The following NEB variants were observed in gnomAD, a reference collection of about 807,000 sequenced individuals.
NEB encodes the protein nemaline myopathy type 2.
Under a neutral mutation model 952.2 loss-of-function variants are expected in NEB, and 512 were observed. The observed-to-expected ratio is 0.54, with a 90% CI of 0.50 to 0.58. The LOEUF (loss-of-function observed/expected upper bound fraction) is 0.58, where lower values mean the gene tolerates loss of function less well. Among genes scored for constraint, NEB ranks in the 20% least tolerant of loss-of-function variants. The pLI is 0.00. For synonymous variants in NEB, 2,900 were observed against 3,149.8 expected (o/e 0.92, Z 2.66); for missense variants, 8,428 against 9,231.1 (o/e 0.91, Z 3.56).
chr2:151,487,760 T>TA (rs1553514345), intron 181 of NEB, among the ~76,000 whole-genome samples: 1 of 151,634 alleles, frequency 6.6e-6, no homozygotes, highest in East Asian at 2.0e-4. Flanking sequence ...ATTTTATACA[T>TA]ACACACATAT....
intron 117 of NEB, 85 bp from the exon 118 acceptor site, chr2:151,564,015 A>C: frequency 1.0e-6 from 1 of 980,240 alleles, no homozygotes; most frequent in Non-Finnish European, 1.5e-6. Context: ...ATTAAGGTGA[A>C]ACATGTATGT....
rs974199168 is a variant in NEB at position 151,552,720 on chromosome 2, A to G, written c.19788T>C (p.Asp6596=). The G allele has an allele frequency of 8.7e-6, 14 of 1,613,304 alleles. No individual in the cohort carries two copies. The African/African-American group carries it at 1.9e-4, about 22-fold the overall frequency. The part of the protein sequence containing the change: ...KTRNDYKLVT[D]TPVYVQAVKS... ...TGACAGCCTGCACGTAGACTGGTGT[A>G]TCTGTGACAAGCTTGTAGTCATTCC... is the stretch of plus-strand genomic sequence containing the variant. Residue 6596 remains aspartate (D), a synonymous_variant, in exon 128 of 182, where the codon GAT becomes GAC. Coordinates refer to ENST00000397345, the MANE Select transcript of NEB (RefSeq NM_001164508.2).
At chr2:151,634,368 G>A (rs2098718167) in intron 64 of NEB, among the ~76,000 whole-genome samples, 1 of 152,160 alleles carries the variant, frequency 6.6e-6, no homozygotes, top group Non-Finnish European at 1.5e-5. Flanking sequence ...ATGAGGCTGG[G>A]CACGGTGGCT....
In NEB at chr2:151,663,446, C is replaced by T. The variant is rs186475936; in HGVS notation, c.5763+102G>A. On this transcript the variant is annotated intron_variant, in intron 45 of 181. Coordinates refer to ENST00000397345, the MANE Select transcript of NEB (RefSeq NM_001164508.2). ...AATGAAACACTATGTTGGGAAATTG[C>T]AGATGAATTTCTTTCAGGATTTTCA... 8.7e-6 allele frequency: 10 copies of T among 1,146,818 alleles called. No homozygotes were observed. The East Asian group carries it at 2.5e-4, about 28-fold the overall frequency. 71.0% of individuals were successfully genotyped at this position (1,146,818 alleles called of 1,614,324 possible). A position where few individuals can be genotyped will look rare whatever the true frequency, so the allele number is the denominator to read the frequency against.
At position 151,620,347 on chromosome 2, in the gene NEB, GTATATATATATATATATATATATATATA is replaced by G. The variant is rs71000481; in HGVS notation, c.10560+544_10560+571del. 2.3e-4 allele frequency among the ~76,000 whole-genome samples: 11 copies of G among 48,466 alleles called. No homozygotes were observed. In the East Asian group the frequency reaches 2.5e-3, roughly 11 times the overall value. 31.8% of individuals were successfully genotyped at this position (48,466 alleles called of 152,430 possible). A position where few individuals can be genotyped will look rare whatever the true frequency, so the allele number is the denominator to read the frequency against. On this transcript the variant is annotated intron_variant, in intron 72 of 181. Transcript: ENST00000397345. ...TTATTATATATATATGTATGTGTGT[GTATATATATATATATATATATATATATA>G]TATATATATATATATATTTAACCAG...
intron 120 of NEB, 63 bp downstream of exon 120, chr2:151,562,548 G>T: frequency 7.0e-7 from 1 of 1,422,598 alleles, no homozygotes; most frequent in Non-Finnish European, 9.4e-7. Flanking sequence ...CCAGGGTTGG[G>T]GGGTAGCCAA....
chr2:151,510,800 C>G (rs1297305682), intron 161 of NEB, among the ~76,000 whole-genome samples: 1 of 152,140 alleles, frequency 6.6e-6, no homozygotes, highest in African/African-American at 2.4e-5. Flanking sequence ...TGGAACATAT[C>G]CCCCTCGGAT....
chr2:151,615,092 A>G (rs897707993), intron 76 of NEB, among the ~76,000 whole-genome samples: 18 of 152,206 alleles, frequency 1.2e-4, no homozygotes, highest in Middle Eastern at 3.2e-3. Context: ...GCCTGTCAAC[A>G]TCACTGAACT....
chr2:151,559,607 A>G (rs894317709), intron 124 of NEB, among the ~76,000 whole-genome samples: 5 of 152,250 alleles, frequency 3.3e-5, no homozygotes, highest in African/African-American at 1.2e-4. Context: ...AATACTATGC[A>G]GCCATAAAAA....
intron 175 of NEB, 43 bp from the exon 176 acceptor site, chr2:151,493,488 A>G: frequency 7.5e-7 from 1 of 1,337,722 alleles, no homozygotes; most frequent in Non-Finnish European, 1.0e-6. Context: ...ACAGCAGAAA[A>G]CCAGGTCTGA....
intron 13 of NEB, among the ~76,000 whole-genome samples, chr2:151,700,256 G>A (rs1394169964): frequency 2.8e-5 from 2 of 70,936 alleles, no homozygotes; most frequent in African/African-American, 5.8e-5. Flanking sequence ...ATGCTGTTTT[G>A]GTTACTGTAG....
chr2:151,499,117 GATTAT>G (rs2062512921), intron 169 of NEB, among the ~76,000 whole-genome samples, 176 bp downstream of exon 169: 1 of 152,054 alleles, frequency 6.6e-6, no homozygotes, highest in African/African-American at 2.4e-5. Context: ...TAAGTTAAAT[GATTAT>G]ATTAATGTTT....
intron 37 of NEB, among the ~76,000 whole-genome samples, chr2:151,672,055 A>C (rs557283502): frequency 6.6e-6 from 1 of 152,060 alleles, no homozygotes; most frequent in African/African-American, 2.4e-5. Flanking sequence ...TTTTGTATCT[A>C]TCACCATTGC....
chr2:151,669,938 T>A (rs1255058827), intron 38 of NEB, among the ~76,000 whole-genome samples: 1 of 152,034 alleles, frequency 6.6e-6, no homozygotes, highest in Non-Finnish European at 1.5e-5. Context: ...GGCTGAGAGA[T>A]ATTTAGGAAG....
At position 151,485,829 on chromosome 2, in the gene NEB, C is replaced by T. The variant is rs756659726; in HGVS notation, c.25509G>A (p.Trp8503Ter). 3.1e-6 allele frequency: 5 copies of T among 1,614,032 alleles called. No individual in the cohort carries two copies. Among genetic ancestry groups the T allele is most frequent in the Non-Finnish European group, 4.2e-6 (5 of 1,179,974 alleles). The change falls in exon 182 of 182, where the codon TGG (tryptophan) becomes TGA (stop). Residue 8503 changes from tryptophan to a stop codon, truncating the protein, a stop_gained. Transcript: ENST00000397345. LOFTEE classifies it high-confidence loss of function. ...CAGTCCTCTGCACAGTGCCATACAT[C>T]CAGCCTTCATCAATTGCTTGAACAT... ...IINVQAIDEG[W>*]MYGTVQRTGR...
At position 151,492,042 on chromosome 2, in the gene NEB, GTTC is replaced by G. The variant is rs1242024386; in HGVS notation, c.25057+53_25057+55del. The G allele has an allele frequency of 5.2e-6, 8 of 1,546,990 alleles. No individual in the cohort carries two copies. In the Admixed American group the frequency reaches 6.8e-5, roughly 13 times the overall value. On this transcript the variant is annotated intron_variant, in intron 178 of 181. Coordinates refer to ENST00000397345, the MANE Select transcript of NEB (RefSeq NM_001164508.2). ...ACTTGATGTAGGTAATGCTACTTTT[GTTC>G]TTCTACCCCCTCACTTAAAGTTAAT... is the stretch of plus-strand genomic sequence containing the variant.
chr2:151,622,640 C>T (rs2098442079), intron 71 of NEB, among the ~76,000 whole-genome samples: 1 of 152,056 alleles, frequency 6.6e-6, no homozygotes, highest in Admixed American at 6.5e-5. Flanking sequence ...GAAAATTGTA[C>T]ACATTATGGC....
Position 151,499,332 on chromosome 2 carries a change from T to C in NEB, c.24080A>G (p.Glu8027Gly). 1 of 1,541,744 alleles carries C rather than the reference T, an allele frequency of 6.5e-7. No homozygotes were observed. The highest frequency in any genetic ancestry group is 8.8e-7 in the Non-Finnish European group (1 of 1,140,690). ...GIPIPITPEM[E>G]RVKHNQENFS... Reference sequence around the variant, plus strand: ...GTTTTCTTGATTGTGTTTGACTCTCTCCATCTCTGGAGTGATGGGGATTGG... The same window carrying C: ...GTTTTCTTGATTGTGTTTGACTCTCCCCATCTCTGGAGTGATGGGGATTGG... The change falls in exon 169 of 182, where the codon GAG becomes GGG. Residue 8027 changes from glutamate (E) to glycine (G), a missense_variant. By Grantham distance (98) the Glu-to-Gly change is moderately conservative. Coordinates refer to ENST00000397345, the MANE Select transcript of NEB (RefSeq NM_001164508.2).
At chr2:151,711,607 C>A (rs974924788) in intron 10 of NEB, among the ~76,000 whole-genome samples, 1 of 152,034 alleles carries the variant, frequency 6.6e-6, no homozygotes, top group Non-Finnish European at 1.5e-5. Flanking sequence ...ATTTTAGAGT[C>A]CTGGGCCTGG....
Sources: gnomAD v4.1 joint callset for allele counts (sites outside exome capture counted in the v4.1 genomes callset) on GRCh38, gnomAD v4.1.1 for gene constraint, MANE v1.5 for transcripts, NCBI Gene and HGNC (gene_info 2026-07-23, HGNC 2026-07-21) for gene names.